The following RPS6KB1 variants were observed in gnomAD, a reference collection of about 807,000 sequenced individuals.
RPS6KB1 encodes ribosomal protein S6 kinase beta-1.
In RPS6KB1, 12 loss-of-function variants were observed where a neutral mutation model predicts 70.2. That is an observed-to-expected ratio of 0.17 (90% CI 0.11 to 0.28). The LOEUF is 0.28. Ranked by LOEUF, RPS6KB1 falls within the 10% of genes least tolerant of loss-of-function variation. The pLI is 1.00. For missense variants in RPS6KB1, 270 were observed against 646.6 expected (o/e 0.42, Z 6.32); for synonymous variants, 175 against 211.2 (o/e 0.83, Z 1.49).
At chr17:59,911,152 G>A (rs1319901896) in intron 2 of RPS6KB1, among the ~76,000 whole-genome samples, 1 of 152,132 alleles carries the variant, frequency 6.6e-6, no homozygotes, top group Admixed American at 6.6e-5. Flanking sequence ...GCGACATAGC[G>A]AGACTCCGTC....
chr17:59,926,387 TAAA>T, intron 4 of RPS6KB1, 45 bp from the exon 5 acceptor site: 1 of 1,328,208 alleles, frequency 7.5e-7, no homozygotes, highest in South Asian at 1.4e-5. Flanking sequence ...GATTATAGAA[TAAA>T]AATGTTCACT....
chr17:59,911,538 GTTTTTTTT>G (rs1184826889), intron 2 of RPS6KB1, among the ~76,000 whole-genome samples: 3 of 74,724 alleles, frequency 4.0e-5, no homozygotes, highest in East Asian at 4.9e-4. Flanking sequence ...TTTTTGTTGG[GTTTTTTTT>G]TTTTTTTTTT....
chr17:59,899,204 C>T (rs1011266025), intron 1 of RPS6KB1, among the ~76,000 whole-genome samples: 3 of 118,348 alleles, frequency 2.5e-5, no homozygotes, highest in Non-Finnish European at 5.5e-5. Context: ...GACTTCGTCT[C>T]AGAAAAAAAA....
At chr17:59,938,441 T>G (rs1485922904) in intron 12 of RPS6KB1, among the ~76,000 whole-genome samples, 1 of 152,048 alleles carries the variant, frequency 6.6e-6, no homozygotes, top group Admixed American at 6.6e-5. Flanking sequence ...AATCAAGGTC[T>G]GTATATAGTT....
rs540744135 is a variant in RPS6KB1, at chr17:59,947,647, A to G, written c.*859A>G. On this transcript the variant is annotated 3_prime_UTR_variant, in exon 15 of 15. Coordinates refer to ENST00000225577, the MANE Select transcript of RPS6KB1 (RefSeq NM_003161.4). ...AATGGGCATAAGTTGTATGTCCTAC[A>G]TTTCATCATTGTCCCGGGCCTGCAT... 8.6e-6 allele frequency: 9 copies of G among 1,047,136 alleles called. No homozygotes were observed. The highest frequency in any genetic ancestry group is 1.3e-5 in the Non-Finnish European group (9 of 688,576). The allele number at this position is 1,047,136 out of a possible 1,614,324, so 64.9% of individuals were successfully genotyped here.
rs1411844093 is a variant in RPS6KB1 at position 59,910,587 on chromosome 17, A to G, written c.167A>G (p.His56Arg). ...GGTCAGTTAAATGAAAGCATGGACC[A>G]TGGGGGAGTTGGACCATATGAACTG... ...EGGQLNESMD[H>R]GGVGPYELGM... Residue 56 changes from histidine (H) to arginine (R), a missense_variant, in exon 2 of 15, where the codon CAT (histidine) becomes CGT (arginine). Physicochemically the swap from His to Arg is conservative, Grantham distance 29. Around this residue, in one of 4 missense-constraint regions of RPS6KB1, gnomAD observed 72 missense variants for 93.4 expected, o/e 0.77. Coordinates refer to ENST00000225577, the MANE Select transcript of RPS6KB1 (RefSeq NM_003161.4). 1 of 1,593,430 alleles carries G rather than the reference A, an allele frequency of 6.3e-7. No homozygotes were observed.
At chr17:59,942,524 T>G (rs998276561) in intron 13 of RPS6KB1, among the ~76,000 whole-genome samples, 2 of 152,230 alleles carry the variant, frequency 1.3e-5, no homozygotes, top group African/African-American at 4.8e-5. Flanking sequence ...ATCCTTTTTT[T>G]TTCTTTTGTC....
intron 1 of RPS6KB1, among the ~76,000 whole-genome samples, chr17:59,904,784 C>A (rs1390388058): frequency 6.6e-6 from 1 of 150,934 alleles, no homozygotes; most frequent in Non-Finnish European, 1.5e-5. Context: ...GCAACCTCTG[C>A]CTCCCAGTTT....
At chr17:59,940,604 A>G (rs1015540800) in intron 12 of RPS6KB1, among the ~76,000 whole-genome samples, 4 of 152,056 alleles carry the variant, frequency 2.6e-5, no homozygotes, top group African/African-American at 7.2e-5. Flanking sequence ...CACATTTTTA[A>G]TAGGAATAAC....
rs917937906 is a variant in RPS6KB1, at chr17:59,893,394, G to C, written c.141+69G>C. ...GCGGCGGCGCGGGCTCAGGAAGCGC[G>C]GTGTGTCCTAGAGCGTGGAGACCCA... On this transcript the variant is annotated intron_variant, in intron 1 of 14. Coordinates refer to ENST00000225577, the MANE Select transcript of RPS6KB1 (RefSeq NM_003161.4). The surrounding 1 kb of genome is among the most constrained non-coding windows in gnomAD (Gnocchi z 4.1). The C allele has an allele frequency of 1.3e-6, 2 of 1,493,360 alleles. No individual in the cohort carries two copies. The highest frequency in any genetic ancestry group is 2.8e-5 in the African/African-American group (2 of 72,210). 92.5% of individuals were successfully genotyped at this position (1,493,360 alleles called of 1,614,324 possible).
At position 59,893,364 on chromosome 17, in the gene RPS6KB1, C is replaced by T; in HGVS notation, c.141+39C>T. The T allele has an allele frequency of 6.4e-7, 1 of 1,566,406 alleles. No homozygotes were observed. Among genetic ancestry groups the T allele is most frequent in the African/African-American group, 1.4e-5 (1 of 73,898 alleles). On this transcript the variant is annotated intron_variant, in intron 1 of 14. Transcript: ENST00000225577. This position sits in a 1 kb window ranked among gnomAD's most constrained non-coding sequence, Gnocchi z 4.1. ...TCCCCGGGGGCCCGAGGTGACAGGG[C>T]CGGGGCGGCGGCGCGGGCTCAGGAA...
chr17:59,940,123 GT>G (rs1023016751), intron 12 of RPS6KB1, among the ~76,000 whole-genome samples: 1 of 152,068 alleles, frequency 6.6e-6, no homozygotes, highest in African/African-American at 2.4e-5. Context: ...TGCTTCAGTA[GT>G]TTTTCAGGTT....
chr17:59,927,768 A>G (rs898107396), intron 5 of RPS6KB1, among the ~76,000 whole-genome samples: 2 of 151,622 alleles, frequency 1.3e-5, no homozygotes, highest in African/African-American at 4.8e-5. Context: ...TGGCCTCCCA[A>G]AGTGCTGGGA....
intron 1 of RPS6KB1, among the ~76,000 whole-genome samples, chr17:59,894,266 C>CT (rs904732906): frequency 5.9e-5 from 9 of 151,584 alleles, no homozygotes; most frequent in South Asian, 2.1e-4. Flanking sequence ...TATGGAATAA[C>CT]TTTTTTTTTC....
At chr17:59,915,799 T>TTTTTTTTTTTC (rs2042924832) in intron 4 of RPS6KB1, among the ~76,000 whole-genome samples, 1 of 138,948 alleles carries the variant, frequency 7.2e-6, no homozygotes. Context: ...TTTTTTTTTT[T>TTTTTTTTTTTC]ATTGTGACAG....
intron 1 of RPS6KB1, among the ~76,000 whole-genome samples, chr17:59,899,568 G>A (rs1485081743): frequency 6.6e-6 from 1 of 152,130 alleles, no homozygotes; most frequent in Non-Finnish European, 1.5e-5. Flanking sequence ...ATCACATCTG[G>A]AAGAAGTTAG....
Position 59,893,693 on chromosome 17 carries a change from A to G in RPS6KB1, c.141+368A>G. On this transcript the variant is annotated intron_variant, in intron 1 of 14. Coordinates refer to ENST00000225577, the MANE Select transcript of RPS6KB1 (RefSeq NM_003161.4). The surrounding 1 kb of genome is among the most constrained non-coding windows in gnomAD (Gnocchi z 4.1). ...CTCTTGCTGGGTGTCCCGTAAGTGC[A>G]GGCGAAGTGTGGAGGGTTTCCCTTC... 1 of 817,016 alleles carries G rather than the reference A, an allele frequency of 1.2e-6. No homozygotes were observed. The highest frequency in any genetic ancestry group is 1.5e-6 in the Non-Finnish European group (1 of 660,096). 50.6% of individuals were successfully genotyped at this position (817,016 alleles called of 1,614,324 possible). A position where few individuals can be genotyped will look rare whatever the true frequency, so the allele number is the denominator to read the frequency against.
intron 13 of RPS6KB1, among the ~76,000 whole-genome samples, chr17:59,942,855 C>T (rs1292670977): frequency 6.6e-6 from 1 of 151,956 alleles, no homozygotes; most frequent in Non-Finnish European, 1.5e-5. Context: ...TGGCATGCAC[C>T]TGTGGTACCA....
intron 1 of RPS6KB1, among the ~76,000 whole-genome samples, chr17:59,894,853 C>T (rs1036572554): frequency 7.9e-5 from 12 of 152,156 alleles, no homozygotes; most frequent in African/African-American, 2.9e-4. Context: ...GATCCACCAG[C>T]CTCGGCCTCC....
Sources: allele counts gnomAD v4.1 joint callset (sites outside exome capture counted in the v4.1 genomes callset), GRCh38; gene constraint gnomAD v4.1.1; regional missense constraint gnomAD v4.1.1; non-coding constraint Gnocchi (gnomAD v3.1); transcripts MANE v1.5; gene names NCBI Gene and HGNC (gene_info 2026-07-23, HGNC 2026-07-21).